MYO1D: variants seen among roughly 807,000 people sequenced by gnomAD.
MYO1D encodes myosin ID.
A neutral mutation model predicts 122.0 loss-of-function variants in MYO1D; 83 were observed. The ratio of observed to expected loss-of-function variants is 0.68; its 90% CI spans 0.57 to 0.82. The LOEUF is 0.82. MYO1D is among the 40% of genes least tolerant of loss of function. The pLI, the probability that MYO1D is intolerant of heterozygous loss-of-function variation, is 0.00. For synonymous variants in MYO1D, 464 were observed against 446.9 expected, an observed-to-expected ratio of 1.04 and a Z score of -0.48; for missense variants, 1,157 against 1,269.5, an observed-to-expected ratio of 0.91 and a Z score of 1.35.
At chr17:32,846,608 C>T (rs1319777777) in intron 1 of MYO1D, among the ~76,000 whole-genome samples, 3 of 152,080 alleles carry the variant, frequency 2.0e-5, no homozygotes, top group Non-Finnish European at 2.9e-5. Context: ...CAAACATTAA[C>T]AAGCACATTA....
intron 21 of MYO1D, among the ~76,000 whole-genome samples, chr17:32,554,833 A>G (rs1260680665): frequency 6.6e-6 from 1 of 152,214 alleles, no homozygotes; most frequent in African/African-American, 2.4e-5. Context: ...AGAAATGCAG[A>G]CTGAAACAAT....
intron 4 of MYO1D, among the ~76,000 whole-genome samples, chr17:32,773,379 T>C (rs191134813): frequency 1.2e-4 from 18 of 152,316 alleles, no homozygotes; most frequent in African/African-American, 4.3e-4. Context: ...CAGTCTTCCC[T>C]TGGTGTTTAA....
Position 32,567,029 on chromosome 17 carries a change from C to A in MYO1D, c.2864+38058G>T, listed in dbSNP as rs760261630. Among the ~76,000 whole-genome samples, 3 of 151,464 alleles carry A rather than the reference C, an allele frequency of 2.0e-5. No homozygotes were observed. The East Asian group carries it at 5.9e-4, about 30-fold the overall frequency. On this transcript the variant is annotated intron_variant, in intron 21 of 21. Coordinates refer to ENST00000318217, the MANE Select transcript of MYO1D (RefSeq NM_015194.3). ...CAGAATGGAGGAAATCAAAAAGGAGCAGATGATGCGGCTGCAGGCTTCTGG... is the reference window on the plus strand; with the variant it reads ...CAGAATGGAGGAAATCAAAAAGGAGAAGATGATGCGGCTGCAGGCTTCTGG...
At chr17:32,553,104 A>C (rs1050129456) in intron 21 of MYO1D, among the ~76,000 whole-genome samples, 1 of 53,964 alleles carries the variant, frequency 1.9e-5, no homozygotes, top group Non-Finnish European at 3.3e-5. Context: ...AAAACAAAAC[A>C]AAAAAAAAAA....
chr17:32,598,451 A>T (rs966885902), intron 21 of MYO1D, among the ~76,000 whole-genome samples: 1 of 152,152 alleles, frequency 6.6e-6, no homozygotes, highest in Non-Finnish European at 1.5e-5. Context: ...TTCCCACCCC[A>T]TGGTGGAATT....
At chr17:32,662,502 C>G (rs2088580141) in intron 16 of MYO1D, among the ~76,000 whole-genome samples, 1 of 152,244 alleles carries the variant, frequency 6.6e-6, no homozygotes, top group East Asian at 1.9e-4. Context: ...GAAACCCCGT[C>G]TCTACTAAAA....
intron 21 of MYO1D, among the ~76,000 whole-genome samples, chr17:32,568,202 A>AAAAAAAACT (rs71144842): frequency 6.6e-6 from 1 of 151,190 alleles, no homozygotes. Context: ...AAAAAAAAAA[A>AAAAAAAACT]GGCTGGTGTC....
chr17:32,787,214 G>A (rs1312128724), intron 1 of MYO1D, among the ~76,000 whole-genome samples: 1 of 152,114 alleles, frequency 6.6e-6, no homozygotes, highest in Admixed American at 6.6e-5. Context: ...AAAATAGAAG[G>A]AGACAGGAAG....
At chr17:32,791,264 T>C (rs890805234) in intron 1 of MYO1D, among the ~76,000 whole-genome samples, 4 of 147,778 alleles carry the variant, frequency 2.7e-5, no homozygotes, top group Non-Finnish European at 5.9e-5. Context: ...CTCGGGAGGC[T>C]GAGGCAGGAG....
chr17:32,612,953 G>C (rs2150920085), intron 20 of MYO1D, among the ~76,000 whole-genome samples: 1 of 151,910 alleles, frequency 6.6e-6, no homozygotes, highest in Admixed American at 6.5e-5. Flanking sequence ...ATTTTCAGTA[G>C]AGACAGGGTT....
chr17:32,707,064 T>C (rs1437659163), intron 16 of MYO1D, among the ~76,000 whole-genome samples: 1 of 152,298 alleles, frequency 6.6e-6, no homozygotes, highest in East Asian at 1.9e-4. Context: ...TTCATTATAT[T>C]GAGAGTGAAA....
chr17:32,687,482 C>T (rs918063126), intron 16 of MYO1D, among the ~76,000 whole-genome samples: 24 of 152,166 alleles, frequency 1.6e-4, no homozygotes, highest in African/African-American at 4.1e-4. Flanking sequence ...CAGGTGTGAG[C>T]CACCGTGCCT....
chr17:32,690,924 T>C (rs571058233), intron 16 of MYO1D, among the ~76,000 whole-genome samples: 11 of 152,232 alleles, frequency 7.2e-5, no homozygotes, highest in Non-Finnish European at 1.0e-4. Flanking sequence ...CTAGTGACTT[T>C]GACTTATACA....
At chr17:32,807,275 G>A (rs7218869) in intron 1 of MYO1D, among the ~76,000 whole-genome samples, 2,214 of 152,096 alleles carry the variant, frequency 0.015, 45 homozygotes, top group African/African-American at 0.048. Flanking sequence ...TATTTAAACA[G>A]GGTAACCTTA....
At chr17:32,716,298 G>A (rs1478128108) in intron 15 of MYO1D, among the ~76,000 whole-genome samples, 1 of 151,976 alleles carries the variant, frequency 6.6e-6, no homozygotes, top group Non-Finnish European at 1.5e-5. Flanking sequence ...TTCTCTCTAA[G>A]GCAACTAGTT....
At chr17:32,684,658 A>G (rs1008020938) in intron 16 of MYO1D, among the ~76,000 whole-genome samples, 7 of 152,194 alleles carry the variant, frequency 4.6e-5, no homozygotes, top group Non-Finnish European at 1.0e-4. Flanking sequence ...AGGATGAGCC[A>G]AGCAAACTAT....
intron 1 of MYO1D, among the ~76,000 whole-genome samples, chr17:32,842,225 C>T (rs1343796694): frequency 6.6e-6 from 1 of 152,054 alleles, no homozygotes; most frequent in African/African-American, 2.4e-5. Flanking sequence ...TACAATGGAG[C>T]TTGGACTGAG....
At chr17:32,614,723 G>A (rs965473418) in intron 20 of MYO1D, among the ~76,000 whole-genome samples, 1 of 152,206 alleles carries the variant, frequency 6.6e-6, no homozygotes, top group Non-Finnish European at 1.5e-5. Flanking sequence ...TGGCATAACT[G>A]AGAGTTTATC....
intron 1 of MYO1D, 137 bp downstream of exon 1, chr17:32,876,641 C>T (rs1211405881): frequency 1.6e-6 from 1 of 632,440 alleles, no homozygotes; most frequent in Non-Finnish European, 2.5e-6. Context: ...GGCAGACCCC[C>T]GGACACCGCA....
Sources: gnomAD v4.1 joint callset for allele counts (sites outside exome capture counted in the v4.1 genomes callset) on GRCh38, gnomAD v4.1.1 for gene constraint, MANE v1.5 for transcripts, NCBI Gene and HGNC (gene_info 2026-07-23, HGNC 2026-07-21) for gene names.